POLRMT: variants seen among roughly 807,000 people sequenced by gnomAD.
The protein encoded by POLRMT is DNA-directed RNA polymerase, mitochondrial.
In POLRMT, 114 loss-of-function variants were observed where a neutral mutation model predicts 132.2. The ratio of observed to expected loss-of-function variants is 0.86; its 90% CI spans 0.74 to 1.01. The LOEUF (loss-of-function observed/expected upper bound fraction) is 1.01. Ranked by LOEUF, POLRMT falls within the 50% of genes least tolerant of loss-of-function variation. The probability of loss-of-function intolerance (pLI) is 0.00; values close to 1 mark genes in which losing one functional copy is unlikely to be tolerated. For missense variants in POLRMT, 2,003 were observed against 1,729.1 expected (o/e 1.16, Z -2.81); for synonymous variants, 1,020 against 773.4 (o/e 1.32, Z -5.29).
Position 624,851 on chromosome 19 carries a change from G to C in POLRMT, c.1008C>G (p.Ala336=), listed in dbSNP as rs189292153. 6.2e-7 allele frequency: 1 copy of C among 1,613,196 alleles called. No individual in the cohort carries two copies. Among genetic ancestry groups the C allele is most frequent in the Non-Finnish European group, 8.5e-7 (1 of 1,179,930 alleles). Residue 336 remains alanine, a synonymous_variant, in exon 5 of 21, where the codon GCC becomes GCG. Transcript: ENST00000588649. ...EGLKLQALFT[A]VLLSEEDRAT... is the part of the protein sequence containing the mutation. ...CCCGATCCTCCTCAGACAGCAGAAC[G>C]GCGGTGAAGAGTGCCTGCAGCTTCA... is the stretch of plus-strand genomic sequence containing the variant.
chr19:619,872 G>C, intron 12 of POLRMT, 86 bp downstream of exon 12: 1 of 1,583,450 alleles, frequency 6.3e-7, no homozygotes, highest in Non-Finnish European at 8.6e-7. Context: ...CTCAGGACAG[G>C]CCAAGGTGAG....
Position 619,259 on chromosome 19 carries a change from T to A in POLRMT, c.3104A>T (p.Gln1035Leu), listed in dbSNP as rs781442365. The A allele has an allele frequency of 1.5e-5, 24 of 1,605,872 alleles. No individual in the cohort carries two copies. In the South Asian group the frequency reaches 1.5e-4, roughly 10 times the overall value. The change falls in exon 14 of 21, where the codon CAG becomes CTG. Residue 1035 changes from glutamine (Q) to leucine (L), a missense_variant. Coordinates refer to ENST00000588649, the MANE Select transcript of POLRMT (RefSeq NM_005035.4). Reference sequence around the variant, plus strand: ...CATCTCCTGTAGACTCTTGAAGACCTGGCGTACGAGATAGTGAGAGGCCTC... The same window carrying A: ...CATCTCCTGTAGACTCTTGAAGACCAGGCGTACGAGATAGTGAGAGGCCTC... Reference protein sequence around the residue: ...VWEASHYLVRQVFKSLQEMFS... With the variant: ...VWEASHYLVRLVFKSLQEMFS...
chr19:632,613 G>C (rs1265054591), intron 2 of POLRMT, among the ~76,000 whole-genome samples: 3 of 152,130 alleles, frequency 2.0e-5, no homozygotes, highest in Non-Finnish European at 2.9e-5. Context: ...GTGGGGTTCT[G>C]GGGAGGGGGA....
intron 3 of POLRMT, among the ~76,000 whole-genome samples, chr19:626,630 CA>C (rs59425267): frequency 0.087 from 6,474 of 74,166 alleles, 384 homozygotes; most frequent in African/African-American, 0.16. Flanking sequence ...ACTAAAAATA[CA>C]AAAAAAAAAA....
chr19:617,364 G>T, intron 20 of POLRMT, 41 bp from the exon 21 acceptor site: 1 of 1,612,446 alleles, frequency 6.2e-7, no homozygotes, highest in Non-Finnish European at 8.5e-7. Flanking sequence ...TGGCGGGAAA[G>T]CCCCGCCCTG....
Position 621,479 on chromosome 19 carries a change from T to G in POLRMT, c.2219A>C (p.Gln740Pro). The change falls in exon 10 of 21, where the codon CAG becomes CCG. Residue 740 changes from glutamine to proline, a missense_variant. By Grantham distance (76) the Gln-to-Pro change is moderately conservative. Coordinates refer to ENST00000588649, the MANE Select transcript of POLRMT (RefSeq NM_005035.4). ...GVPAPPSEAP[Q>P]PPEAHLPHSA... ...GTGCGGCAGGTGGGCCTCGGGCGGC[T>G]GGGGCGCCTCGGAGGGCGGGGCCGG... is the stretch of plus-strand genomic sequence containing the variant. 1.5e-6 allele frequency: 2 copies of G among 1,363,702 alleles called. No homozygotes were observed. The highest frequency in any genetic ancestry group is 1.9e-6 in the Non-Finnish European group (2 of 1,065,806). 84.5% of individuals were successfully genotyped at this position (1,363,702 alleles called of 1,614,324 possible).
chr19:622,288 A>G lies in POLRMT; in HGVS notation c.1712T>C (p.Val571Ala). ...ALREQPWPLP[V>A]QMELGKLLAE... is the part of the protein sequence containing the mutation. ...CAGCAGCTTGCCCAGCTCCATCTGC[A>G]CTGGCAGGGGCCAGGGCTGCTCCCG... The change falls in exon 9 of 21, where the codon GTG becomes GCG. Residue 571 changes from valine (V) to alanine (A), a missense_variant. Coordinates refer to ENST00000588649, the MANE Select transcript of POLRMT (RefSeq NM_005035.4). 1 of 1,565,250 alleles carries G rather than the reference A, an allele frequency of 6.4e-7. No homozygotes were observed. The highest frequency in any genetic ancestry group is 2.4e-5 in the East Asian group (1 of 41,974).
At chr19:624,405 G>A (rs41558812) in intron 5 of POLRMT, among the ~76,000 whole-genome samples, 17,311 of 152,224 alleles carry the variant, frequency 0.11, 1,249 homozygotes, top group Non-Finnish European at 0.16. Context: ...TTTATGGCAG[G>A]TGAATTACAC....
chr19:629,315 G>T (rs977428694), intron 3 of POLRMT, among the ~76,000 whole-genome samples: 2 of 152,108 alleles, frequency 1.3e-5, no homozygotes, highest in African/African-American at 4.8e-5. Flanking sequence ...AGAAAGAACG[G>T]AAGGAAATGC....
In POLRMT at chr19:621,613, T is replaced by A. The variant is rs1040073143; in HGVS notation, c.2085A>T (p.Ala695=). 3.3e-6 allele frequency: 5 copies of A among 1,514,038 alleles called. No individual in the cohort carries two copies. In the East Asian group the frequency reaches 1.2e-4, roughly 37 times the overall value. The allele number at this position is 1,514,038 out of a possible 1,614,324, so 93.8% of individuals were successfully genotyped here. Residue 695 remains alanine (A), a synonymous_variant, in exon 10 of 21, where the codon GCA becomes GCT. Coordinates refer to ENST00000588649, the MANE Select transcript of POLRMT (RefSeq NM_005035.4). ...ETCPPTALHG[A]LDALTQLGNC... is the part of the protein sequence containing the mutation. ...TGCCCAGTTGGGTGAGGGCGTCCAGTGCGCCATGCAGCGCGGTGGGCGGGC... is the reference window on the plus strand; with the variant it reads ...TGCCCAGTTGGGTGAGGGCGTCCAGAGCGCCATGCAGCGCGGTGGGCGGGC...
chr19:626,870 ACT>A (rs1985054112), intron 3 of POLRMT, among the ~76,000 whole-genome samples: 2 of 130,454 alleles, frequency 1.5e-5, no homozygotes, highest in African/African-American at 6.4e-5. Context: ...AGACTTGGAG[ACT>A]CTGTCTTAAA....
intron 3 of POLRMT, among the ~76,000 whole-genome samples, chr19:627,374 C>T (rs112591180): frequency 8.6e-4 from 130 of 151,536 alleles, no homozygotes; most frequent in African/African-American, 3.1e-3. Context: ...AGGATGGTCT[C>T]ATCTCCTGAC....
intron 2 of POLRMT, among the ~76,000 whole-genome samples, chr19:632,089 T>C (rs1159742892): frequency 6.8e-6 from 1 of 148,108 alleles, no homozygotes; most frequent in Non-Finnish European, 1.5e-5. Flanking sequence ...CCTTGACCTC[T>C]TGATCCGCCC....
At chr19:617,714 AC>A in intron 18 of POLRMT, 59 bp from the exon 19 acceptor site, 1 of 1,610,802 alleles carries the variant, frequency 6.2e-7, no homozygotes, top group South Asian at 1.1e-5. Context: ...CACCACCCCT[AC>A]CCAACGCCCC....
intron 5 of POLRMT, 109 bp from the exon 6 acceptor site, chr19:623,712 T>A: frequency 7.4e-6 from 10 of 1,354,868 alleles, no homozygotes; most frequent in Non-Finnish European, 1.0e-5. Context: ...TGCAAGTTGC[T>A]GGTGGCTATC....
In POLRMT at chr19:617,294, AACGCTTC is replaced by A; in HGVS notation, c.3666_3672del (p.Lys1223ProfsTer10). On this transcript the variant is annotated frameshift_variant, in exon 21 of 21. Coordinates refer to ENST00000588649, the MANE Select transcript of POLRMT (RefSeq NM_005035.4). LOFTEE classifies it high-confidence loss of function. The stretch of plus-strand genomic sequence containing the variant: ...GGGTGTCAGCTGAAGAAGTAGGTGG[AACGCTTC>A]ACCTGCTCCAGGTCGAAGGCCCCTG... 6.2e-7 allele frequency: 1 copy of A among 1,612,868 alleles called. No homozygotes were observed. The highest frequency in any genetic ancestry group is 8.5e-7 in the Non-Finnish European group (1 of 1,179,878).
At chr19:620,518 G>A in intron 10 of POLRMT, 31 bp from the exon 11 acceptor site, 2 of 1,520,928 alleles carry the variant, frequency 1.3e-6, no homozygotes, top group Non-Finnish European at 1.8e-6. Context: ...GGGCAGTGAG[G>A]CCCGGGCCCG....
intron 20 of POLRMT, 33 bp downstream of exon 20, chr19:617,386 G>C (rs62132648): frequency 0.085 from 136,890 of 1,612,110 alleles, 6,550 homozygotes; most frequent in Non-Finnish European, 0.098. Flanking sequence ...CCCGCAGTTC[G>C]AGCCACCCTT....
chr19:620,844 G>C (rs1055576290), intron 10 of POLRMT, among the ~76,000 whole-genome samples: 3 of 112,554 alleles, frequency 2.7e-5, no homozygotes, highest in Non-Finnish European at 5.6e-5. Flanking sequence ...GAAGCAGGAC[G>C]GGCAGGGGGC....
Sources: gnomAD v4.1 joint callset for allele counts (sites outside exome capture counted in the v4.1 genomes callset) on GRCh38, gnomAD v4.1.1 for gene constraint, MANE v1.5 for transcripts, NCBI Gene and HGNC (gene_info 2026-07-23, HGNC 2026-07-21) for gene names.